The following RAI14 variants were observed in gnomAD, a reference collection of about 807,000 sequenced individuals.
RAI14 encodes the protein retinoic acid induced 14, also known as ankycorbin.
In RAI14, 45 loss-of-function variants were observed where a neutral mutation model predicts 115.4. The ratio of observed to expected loss-of-function variants is 0.39; its 90% CI spans 0.31 to 0.50. The LOEUF is 0.50. Ranked by LOEUF, RAI14 falls within the 20% of genes least tolerant of loss-of-function variation. The probability of loss-of-function intolerance (pLI) is 0.85; values close to 1 mark genes in which losing one functional copy is unlikely to be tolerated. For missense variants in RAI14, 939 were observed against 1,131.2 expected, an observed-to-expected ratio of 0.83 and a Z score of 2.44; for synonymous variants, 371 against 415.4, an observed-to-expected ratio of 0.89 and a Z score of 1.30.
chr5:34,759,082 G>T (rs532459721), intron 3 of RAI14, among the ~76,000 whole-genome samples: 74 of 152,266 alleles, frequency 4.9e-4, no homozygotes, highest in African/African-American at 1.7e-3. Flanking sequence ...GGCCAAAATA[G>T]TGAAGCCCTG....
rs573906821 is a variant in RAI14 at position 34,774,768 on chromosome 5, A to C, written c.167+17170A>C. 2.1e-3 allele frequency among the ~76,000 whole-genome samples: 312 copies of C among 149,490 alleles called. 1 individual carries two copies. Among genetic ancestry groups the C allele is most frequent in the African/African-American group, 7.4e-3 (300 of 40,410 alleles). Reference sequence around the variant, plus strand: ...TTTCACAGAAATAGAAAAAAAAAAAACCTAAAGTTCATATGAACCCACAAA... The same window carrying C: ...TTTCACAGAAATAGAAAAAAAAAAACCCTAAAGTTCATATGAACCCACAAA... On this transcript the variant is annotated intron_variant, in intron 3 of 17. Coordinates refer to ENST00000265109, the MANE Select transcript of RAI14 (RefSeq NM_015577.3).
Position 34,823,485 on chromosome 5 carries a change from GAAAT to G in RAI14, c.1647_1650del (p.Asn549LysfsTer4). 1 of 1,614,042 alleles carries G rather than the reference GAAAT, an allele frequency of 6.2e-7. No homozygotes were observed. The highest frequency in any genetic ancestry group is 8.5e-7 in the Non-Finnish European group (1 of 1,179,992). ...CAGAATGCATTAGAAGAAAGTGAAA[GAAAT>G]AAAGAGAAAGTGAGAGAGTTAGAGG... On this transcript the variant is annotated frameshift_variant, in exon 15 of 18. Transcript: ENST00000265109. LOFTEE classifies it high-confidence loss of function. This position sits in a 1 kb window ranked among gnomAD's most constrained non-coding sequence, Gnocchi z 4.5.
chr5:34,741,728 A>T (rs1745538333), intron 2 of RAI14, among the ~76,000 whole-genome samples: 1 of 152,178 alleles, frequency 6.6e-6, no homozygotes. Flanking sequence ...TCTCTTGTTG[A>T]CCATGGACAG....
chr5:34,825,931 C>G (rs973445695), intron 15 of RAI14: 1 of 153,706 alleles, frequency 6.5e-6, no homozygotes, highest in African/African-American at 2.4e-5. Flanking sequence ...AGACCTTATT[C>G]CTGATCACCC....
At chr5:34,802,326 G>A (rs1754373624) in intron 4 of RAI14, among the ~76,000 whole-genome samples, 2 of 152,184 alleles carry the variant, frequency 1.3e-5, no homozygotes, top group South Asian at 4.1e-4. Context: ...TCTGATCTCG[G>A]AAGCTAAGCA....
chr5:34,680,150 C>A (rs2149870961), intron 1 of RAI14, among the ~76,000 whole-genome samples: 1 of 152,300 alleles, frequency 6.6e-6, no homozygotes, highest in East Asian at 1.9e-4. Flanking sequence ...CACCCAGGGT[C>A]CAAAGGAGTC....
rs140695322 is a variant in RAI14, at chr5:34,705,013, C to T, written c.36+18058C>T. 3.0e-3 allele frequency among the ~76,000 whole-genome samples: 449 copies of T among 152,144 alleles called. 2 individuals carry two copies. Among genetic ancestry groups the T allele is most frequent in the African/African-American group, 0.01 (434 of 41,500 alleles). ...CTCCCTTTGTTGCCCAGGCTGGACT[C>T]GAACTCCTGGGCCCAAGCAATGCTC... On this transcript the variant is annotated intron_variant, in intron 2 of 17. Coordinates refer to ENST00000265109, the MANE Select transcript of RAI14 (RefSeq NM_015577.3).
intron 3 of RAI14, among the ~76,000 whole-genome samples, chr5:34,790,665 T>C (rs1246596228): frequency 6.6e-6 from 1 of 151,698 alleles, no homozygotes; most frequent in African/African-American, 2.4e-5. Flanking sequence ...GCATTTTTTT[T>C]CTAAACCTAG....
At chr5:34,819,921 C>A (rs926821061) in intron 13 of RAI14, among the ~76,000 whole-genome samples, 5 of 152,104 alleles carry the variant, frequency 3.3e-5, no homozygotes, top group African/African-American at 1.2e-4. Context: ...ATTAAACTTT[C>A]TAATTTCTGG....
chr5:34,829,803 G>A lies in RAI14; in HGVS notation c.2865+6G>A, dbSNP rs976733256. ...ATCTTCTGTATGCTGTGCAGGTATG[G>A]TTATGCCCCTTGAAGTATCTGGACA... On this transcript the variant is annotated splice_donor_region_variant and intron_variant, in intron 17 of 17. Transcript: ENST00000265109. 1 of 1,603,678 alleles carries A rather than the reference G, an allele frequency of 6.2e-7. No individual in the cohort carries two copies. The highest frequency in any genetic ancestry group is 1.7e-5 in the Admixed American group (1 of 59,032).
At chr5:34,749,711 A>G (rs920936370) in intron 2 of RAI14, among the ~76,000 whole-genome samples, 4 of 152,212 alleles carry the variant, frequency 2.6e-5, no homozygotes, top group African/African-American at 9.7e-5. Flanking sequence ...TTTGGAGCCC[A>G]TATTGAGGGT....
intron 3 of RAI14, among the ~76,000 whole-genome samples, chr5:34,792,785 ATT>A (rs1043861290): frequency 6.6e-6 from 1 of 151,342 alleles, no homozygotes; most frequent in African/African-American, 2.5e-5. Flanking sequence ...GTTTCTAGTT[ATT>A]TATATTTGTT....
At chr5:34,816,380 C>T (rs1756223220) in intron 12 of RAI14, among the ~76,000 whole-genome samples, 1 of 151,800 alleles carries the variant, frequency 6.6e-6, no homozygotes, top group Non-Finnish European at 1.5e-5. Context: ...TTGTGTTATT[C>T]TCTGTTGTCT....
chr5:34,750,472 CT>C (rs532269252), intron 2 of RAI14, among the ~76,000 whole-genome samples: 270 of 151,096 alleles, frequency 1.8e-3, no homozygotes, highest in Non-Finnish European at 3.1e-3. Flanking sequence ...GCCACTCTGC[CT>C]TTTTTTTTAA....
At chr5:34,717,797 C>A (rs73072576) in intron 2 of RAI14, among the ~76,000 whole-genome samples, 40,871 of 149,434 alleles carry the variant, frequency 0.27, 6,114 homozygotes, top group African/African-American at 0.4. Flanking sequence ...CAGAAGAAGG[C>A]TTTAAGTACT....
At position 34,753,049 on chromosome 5, in the gene RAI14, C is replaced by T. The variant is rs1192975511; in HGVS notation, c.37-4419C>T. Among the ~76,000 whole-genome samples the T allele has an allele frequency of 2.0e-5, 3 of 151,902 alleles. No homozygotes were observed. In the East Asian group the frequency reaches 5.8e-4, roughly 29 times the overall value. ...GATGTTTTCTATTTTATTTTTTTAA[C>T]ATGTGAGGTTAACCGATAAACTATA... is the stretch of plus-strand genomic sequence containing the variant. On this transcript the variant is annotated intron_variant, in intron 2 of 17. Coordinates refer to ENST00000265109, the MANE Select transcript of RAI14 (RefSeq NM_015577.3).
chr5:34,812,695 A>G (rs781584951), intron 10 of RAI14, among the ~76,000 whole-genome samples: 9 of 152,166 alleles, frequency 5.9e-5, no homozygotes, highest in Non-Finnish European at 1.2e-4. Context: ...GCTTTCCTTA[A>G]TAATTTGCTT....
At chr5:34,768,373 C>G (rs193082680) in intron 3 of RAI14, among the ~76,000 whole-genome samples, 34 of 152,252 alleles carry the variant, frequency 2.2e-4, no homozygotes, top group African/African-American at 7.7e-4. Flanking sequence ...CAGATAAATA[C>G]CTAGGTAACA....
intron 3 of RAI14, among the ~76,000 whole-genome samples, chr5:34,777,381 G>A (rs955571151): frequency 6.6e-6 from 1 of 152,150 alleles, no homozygotes; most frequent in Admixed American, 6.5e-5. Flanking sequence ...AACATAGATG[G>A]AACTGTGGGT....
Sources: gnomAD v4.1 joint callset for allele counts (sites outside exome capture counted in the v4.1 genomes callset) on GRCh38, gnomAD v4.1.1 for gene constraint, Gnocchi (gnomAD v3.1) non-coding constraint, MANE v1.5 for transcripts, NCBI Gene and HGNC (gene_info 2026-07-23, HGNC 2026-07-21) for gene names.